SGIP1: variants seen among roughly 807,000 people sequenced by gnomAD.
SGIP1 encodes the protein SH3GL interacting endocytic adaptor 1.
In SGIP1, 38 loss-of-function variants were observed where a neutral mutation model predicts 107.5. The ratio of observed to expected loss-of-function variants is 0.35; its 90% CI spans 0.27 to 0.46. The LOEUF (loss-of-function observed/expected upper bound fraction) is 0.46, where lower values mean the gene tolerates loss of function less well. Ranked by LOEUF, SGIP1 falls within the 20% of genes least tolerant of loss-of-function variation. SGIP1 has a pLI of 1.00. For missense variants in SGIP1, 929 were observed against 1,019.5 expected (o/e 0.91, Z 1.21); for synonymous variants, 365 against 366.1 (o/e 1.00, Z 0.03).
In SGIP1 at chr1:66,749,278, A is replaced by G. The variant is rs189308374; in HGVS notation, c.*6183A>G. ...GAATAATCTCCAGTAACGTTTTACTAAACAGCTTTAGGAAACTGAATCATG... is the reference window on the plus strand; with the variant it reads ...GAATAATCTCCAGTAACGTTTTACTGAACAGCTTTAGGAAACTGAATCATG... On this transcript the variant is annotated 3_prime_UTR_variant, in exon 25 of 25. Transcript: ENST00000371037. Among the ~76,000 whole-genome samples the G allele has an allele frequency of 2.0e-5, 3 of 152,162 alleles. No individual in the cohort carries two copies. The East Asian group carries it at 5.8e-4, about 29-fold the overall frequency.
At chr1:66,544,324 A>C (rs1252756453) in intron 1 of SGIP1, among the ~76,000 whole-genome samples, 1 of 152,218 alleles carries the variant, frequency 6.6e-6, no homozygotes, top group Non-Finnish European at 1.5e-5. Context: ...TGGAATTGGC[A>C]CATGAGATGA....
At chr1:66,592,392 C>A (rs1284777837) in intron 1 of SGIP1, among the ~76,000 whole-genome samples, 4 of 152,220 alleles carry the variant, frequency 2.6e-5, no homozygotes, top group Non-Finnish European at 4.4e-5. Context: ...TGAGTCAACA[C>A]AGCACATGTC....
intron 18 of SGIP1, among the ~76,000 whole-genome samples, chr1:66,698,061 C>T (rs1349145274): frequency 1.3e-5 from 2 of 152,102 alleles, no homozygotes; most frequent in Admixed American, 6.5e-5. Context: ...TTACAGTGTT[C>T]AAAACACTAT....
At chr1:66,563,664 C>G (rs916185651) in intron 1 of SGIP1, among the ~76,000 whole-genome samples, 14 of 151,986 alleles carry the variant, frequency 9.2e-5, no homozygotes, top group African/African-American at 3.4e-4. Flanking sequence ...TTTACTTCCT[C>G]CCAGCAGTGC....
In SGIP1 at chr1:66,729,947, G is replaced by A. The variant is rs138652387; in HGVS notation, c.1898+528G>A. ...CTCCCAAGTAGCTGAGATTACAGGC[G>A]CCCACCACCACACCTGGCTAATTTT... On this transcript the variant is annotated intron_variant, in intron 20 of 24. Coordinates refer to ENST00000371037, the MANE Select transcript of SGIP1 (RefSeq NM_032291.4). Among the ~76,000 whole-genome samples, 578 of 152,078 alleles carry A rather than the reference G, an allele frequency of 3.8e-3. 4 individuals carry two copies. Among genetic ancestry groups the A allele is most frequent in the Middle Eastern group, 0.017 (5 of 294 alleles).
chr1:66,608,591 G>A (rs1014854235), intron 1 of SGIP1, among the ~76,000 whole-genome samples: 1 of 152,140 alleles, frequency 6.6e-6, no homozygotes, highest in African/African-American at 2.4e-5. Flanking sequence ...CGGGCTGCTG[G>A]CCTAAAGATA....
At chr1:66,738,218 A>G (rs2094333693) in intron 21 of SGIP1, among the ~76,000 whole-genome samples, 2 of 152,198 alleles carry the variant, frequency 1.3e-5, no homozygotes, top group African/African-American at 2.4e-5. Context: ...AAAAGAATCC[A>G]TTTGGGGGCT....
In SGIP1 at chr1:66,664,959, TTTGTTG is replaced by T. The variant is rs543561544; in HGVS notation, c.472-2550_472-2545del. Among the ~76,000 whole-genome samples, 50 of 152,072 alleles carry T rather than the reference TTTGTTG, an allele frequency of 3.3e-4. No homozygotes were observed. The East Asian group carries it at 7.5e-3, about 23-fold the overall frequency. On this transcript the variant is annotated intron_variant, in intron 8 of 24. Transcript: ENST00000371037. Reference sequence around the variant, plus strand: ...AGGTCATACATCTGCTTGTTGTGCTTTTGTTGTTGTTGTTGTTGTTGTTGTTTATCA... The same window carrying T: ...AGGTCATACATCTGCTTGTTGTGCTTTTGTTGTTGTTGTTGTTGTTTATCA...
intron 1 of SGIP1, among the ~76,000 whole-genome samples, chr1:66,584,543 A>G (rs1483874991): frequency 6.6e-6 from 1 of 150,484 alleles, no homozygotes; most frequent in African/African-American, 2.4e-5. Flanking sequence ...CTAAATGTTC[A>G]CAAGTTGGGT....
intron 1 of SGIP1, among the ~76,000 whole-genome samples, chr1:66,571,030 C>G (rs2060305228): frequency 6.6e-6 from 1 of 151,944 alleles, no homozygotes; most frequent in African/African-American, 2.4e-5. Context: ...GTGGGTCAAC[C>G]AGATAAGTGC....
chr1:66,730,487 T>C (rs1446644266), intron 20 of SGIP1, among the ~76,000 whole-genome samples: 1 of 152,130 alleles, frequency 6.6e-6, no homozygotes, highest in Non-Finnish European at 1.5e-5. Flanking sequence ...GTGGCCACTT[T>C]TTTCTTTACT....
chr1:66,590,274 A>T (rs1026548239), intron 1 of SGIP1, among the ~76,000 whole-genome samples: 1 of 152,164 alleles, frequency 6.6e-6, no homozygotes, highest in African/African-American at 2.4e-5. Flanking sequence ...ATAAAAACAC[A>T]TGTTATTTTT....
At chr1:66,694,476 G>C (rs144911780) in intron 17 of SGIP1, 1 of 1,607,286 alleles carries the variant, frequency 6.2e-7, no homozygotes, top group Non-Finnish European at 8.5e-7. Context: ...AACTGCCCTC[G>C]TTTGAAAGGC....
chr1:66,622,294 A>G (rs753411831), intron 1 of SGIP1, among the ~76,000 whole-genome samples: 2 of 152,174 alleles, frequency 1.3e-5, no homozygotes, highest in African/African-American at 2.4e-5. Flanking sequence ...CTACTTTTTC[A>G]CAAAGTTTGT....
At chr1:66,619,360 G>A (rs570487558) in intron 1 of SGIP1, among the ~76,000 whole-genome samples, 1 of 152,360 alleles carries the variant, frequency 6.6e-6, no homozygotes, top group South Asian at 2.1e-4. Context: ...AGGTGAGTAA[G>A]GAAGGTGGGT....
chr1:66,725,231 C>A (rs1381473018), intron 19 of SGIP1, among the ~76,000 whole-genome samples: 1 of 152,182 alleles, frequency 6.6e-6, no homozygotes, highest in African/African-American at 2.4e-5. Context: ...TTAAGAAGCT[C>A]ATCTGCTCCC....
At chr1:66,592,057 G>A (rs2063733895) in intron 1 of SGIP1, among the ~76,000 whole-genome samples, 1 of 152,170 alleles carries the variant, frequency 6.6e-6, no homozygotes, top group Non-Finnish European at 1.5e-5. Flanking sequence ...AGGACGAGCA[G>A]GAGACAGATG....
intron 1 of SGIP1, among the ~76,000 whole-genome samples, chr1:66,591,567 G>A (rs1191123338): frequency 6.6e-6 from 1 of 152,200 alleles, no homozygotes; most frequent in Non-Finnish European, 1.5e-5. Context: ...CCATTAGAGT[G>A]TGAAGGGGGC....
Position 66,618,734 on chromosome 1 carries a change from A to G in SGIP1, c.11-7113A>G, listed in dbSNP as rs530480791. On this transcript the variant is annotated intron_variant, in intron 1 of 24. Coordinates refer to ENST00000371037, the MANE Select transcript of SGIP1 (RefSeq NM_032291.4). ...GGCACATGCAAGGTTCTCAGTAAACAAGAGCTGCCTTTCCCTCACCCCTAG... is the reference window on the plus strand; with the variant it reads ...GGCACATGCAAGGTTCTCAGTAAACGAGAGCTGCCTTTCCCTCACCCCTAG... Among the ~76,000 whole-genome samples the G allele has an allele frequency of 9.8e-5, 15 of 152,362 alleles. No individual in the cohort carries two copies. The East Asian group carries it at 2.7e-3, about 27-fold the overall frequency.
Sources: gnomAD v4.1 joint callset for allele counts (sites outside exome capture counted in the v4.1 genomes callset) on GRCh38, gnomAD v4.1.1 for gene constraint, MANE v1.5 for transcripts, NCBI Gene and HGNC (gene_info 2026-07-23, HGNC 2026-07-21) for gene names.